Variants in CSMD2 observed in about 807,000 individuals in gnomAD.
CSMD2 encodes the protein CUB and sushi domain-containing protein 2.
Under a neutral mutation model 398.5 loss-of-function variants are expected in CSMD2, and 130 were observed. That is an observed-to-expected ratio of 0.33 (90% CI 0.28 to 0.38). The LOEUF (loss-of-function observed/expected upper bound fraction) is 0.38, where lower values mean the gene tolerates loss of function less well. Ranked by LOEUF, CSMD2 falls within the 10% of genes least tolerant of loss-of-function variation. The pLI, the probability that CSMD2 is intolerant of heterozygous loss-of-function variation, is 1.00. For missense variants in CSMD2, 3,829 were observed against 4,764.9 expected (o/e 0.80, Z 5.78); for synonymous variants, 1,828 against 1,908.5 (o/e 0.96, Z 1.10).
rs981529151 is a variant in CSMD2 at position 34,164,487 on chromosome 1, G to A, written c.187+424C>T. Among the ~76,000 whole-genome samples the A allele has an allele frequency of 6.6e-6, 1 of 152,070 alleles. No homozygotes were observed. Among genetic ancestry groups the A allele is most frequent in the African/African-American group, 2.4e-5 (1 of 41,442 alleles). ...GGAGGGGGCGCACGGTTCCTCTCCA[G>A]CCCCCAGGACCAGCGTGCCTGGCAG... On this transcript the variant is annotated intron_variant, in intron 1 of 70. Coordinates refer to ENST00000373381, the MANE Select transcript of CSMD2 (RefSeq NM_001281956.2). This position sits in a 1 kb window ranked among gnomAD's most constrained non-coding sequence, Gnocchi z 6.2.
intron 56 of CSMD2, among the ~76,000 whole-genome samples, chr1:33,548,312 T>C (rs1005731716): frequency 3.3e-4 from 50 of 152,310 alleles, no homozygotes; most frequent in African/African-American, 1.2e-3. Flanking sequence ...AGTTCAGTGA[T>C]GGAAGGGAGT....
chr1:33,553,045 G>C (rs1306625868), intron 55 of CSMD2, among the ~76,000 whole-genome samples: 1 of 152,090 alleles, frequency 6.6e-6, no homozygotes, highest in African/African-American at 2.4e-5. Context: ...TTTACATAGA[G>C]AGCAGTTAAA....
rs1216960251 is a variant in CSMD2 at position 34,110,673 on chromosome 1, A to AGAACACATGGACACAAAGAGGC, written c.188-21502_188-21481dup. Among the ~76,000 whole-genome samples, 11 of 152,294 alleles carry AGAACACATGGACACAAAGAGGC rather than the reference A, an allele frequency of 7.2e-5. No individual in the cohort carries two copies. In the East Asian group the frequency reaches 1.9e-3, roughly 27 times the overall value. On this transcript the variant is annotated intron_variant, in intron 1 of 70. Transcript: ENST00000373381. ...ACTTATAAGTGGGAGCTAAGTGATA[A>AGAACACATGGACACAAAGAGGC]GAACACATGGACACAAAGAGGCAAA...
At chr1:33,810,429 G>A (rs1442086354) in intron 10 of CSMD2, among the ~76,000 whole-genome samples, 1 of 152,166 alleles carries the variant, frequency 6.6e-6, no homozygotes, top group African/African-American at 2.4e-5. Flanking sequence ...CACAATTGAG[G>A]TAATGGTTAC....
intron 13 of CSMD2, among the ~76,000 whole-genome samples, chr1:33,759,324 CTTTTTTTTTT>C (rs756784492): frequency 7.2e-5 from 9 of 124,792 alleles, no homozygotes; most frequent in East Asian, 2.3e-4. Context: ...CTTTTTTTTT[CTTTTTTTTTT>C]TTTTTTTTTG....
intron 1 of CSMD2, among the ~76,000 whole-genome samples, chr1:34,152,996 C>G (rs1022648339): frequency 2.6e-5 from 4 of 152,146 alleles, no homozygotes; most frequent in African/African-American, 9.7e-5. Flanking sequence ...ATTTATTTGC[C>G]CTTTTGTAAC....
intron 3 of CSMD2, among the ~76,000 whole-genome samples, chr1:33,952,713 C>A (rs1204403551): frequency 6.6e-6 from 1 of 151,774 alleles, no homozygotes; most frequent in Non-Finnish European, 1.5e-5. Context: ...TGCACACACA[C>A]AAACATTTAA....
chr1:33,697,142 T>C (rs747726193), intron 24 of CSMD2, among the ~76,000 whole-genome samples: 7 of 152,194 alleles, frequency 4.6e-5, no homozygotes, highest in Non-Finnish European at 1.0e-4. Flanking sequence ...AAAGTAATCT[T>C]ACAGTGAATC....
At chr1:33,951,363 A>G (rs1037389686) in intron 3 of CSMD2, among the ~76,000 whole-genome samples, 7 of 152,144 alleles carry the variant, frequency 4.6e-5, no homozygotes, top group African/African-American at 1.7e-4. Context: ...CTGATGATGA[A>G]TGTCCTCCCT....
chr1:33,543,758 T>A (rs977780218), intron 57 of CSMD2, among the ~76,000 whole-genome samples: 2 of 152,262 alleles, frequency 1.3e-5, no homozygotes, highest in African/African-American at 2.4e-5. Flanking sequence ...TTTTCTATCA[T>A]CAAATATTTG....
At chr1:34,119,737 A>G (rs1472194568) in intron 1 of CSMD2, among the ~76,000 whole-genome samples, 1 of 152,256 alleles carries the variant, frequency 6.6e-6, no homozygotes, top group Admixed American at 6.5e-5. Flanking sequence ...CACACCTGTT[A>G]CAATAGCCAC....
intron 3 of CSMD2, among the ~76,000 whole-genome samples, chr1:33,974,219 G>A (rs1477814578): frequency 7.2e-5 from 11 of 152,186 alleles, no homozygotes; most frequent in African/African-American, 2.2e-4. Context: ...ACAATGCAGC[G>A]GCTCACAGGG....
At chr1:33,794,324 A>T (rs1182272587) in intron 10 of CSMD2, among the ~76,000 whole-genome samples, 1 of 152,214 alleles carries the variant, frequency 6.6e-6, no homozygotes, top group Non-Finnish European at 1.5e-5. Flanking sequence ...GGGTCTACAG[A>T]TAGACACAGA....
chr1:34,063,235 T>C (rs1398638937), intron 2 of CSMD2, among the ~76,000 whole-genome samples: 1 of 152,164 alleles, frequency 6.6e-6, no homozygotes, highest in Non-Finnish European at 1.5e-5. Context: ...CATGTCCTCG[T>C]ATTTCAAAAC....
chr1:33,750,009 G>A (rs1388536507), intron 13 of CSMD2, among the ~76,000 whole-genome samples: 1 of 152,072 alleles, frequency 6.6e-6, no homozygotes, highest in Admixed American at 6.5e-5. Flanking sequence ...AATCCTTCAT[G>A]CAAAGTGCTA....
intron 1 of CSMD2, among the ~76,000 whole-genome samples, chr1:34,151,771 TC>T (rs1370617278): frequency 6.6e-6 from 1 of 152,002 alleles, no homozygotes; most frequent in East Asian, 1.9e-4. Flanking sequence ...TTTTATTTCT[TC>T]TTTCCTCCCT....
chr1:34,097,885 C>T lies in CSMD2; in HGVS notation c.188-8692G>A, dbSNP rs1395264636. 1.2e-4 allele frequency among the ~76,000 whole-genome samples: 14 copies of T among 116,834 alleles called. No homozygotes were observed. The South Asian group carries it at 4.3e-3, about 36-fold the overall frequency. The allele number at this position is 116,834 out of a possible 152,430, so 76.6% of individuals were successfully genotyped here. A position where few individuals can be genotyped will look rare whatever the true frequency, so the allele number is the denominator to read the frequency against. On this transcript the variant is annotated intron_variant, in intron 1 of 70. Coordinates refer to ENST00000373381, the MANE Select transcript of CSMD2 (RefSeq NM_001281956.2). Reference sequence around the variant, plus strand: ...CCTCAGGGATCTAGAACTAGAAATACCATTTGACCCAGCCATCCCATTACT... The same window carrying T: ...CCTCAGGGATCTAGAACTAGAAATATCATTTGACCCAGCCATCCCATTACT...
chr1:33,825,896 T>C, intron 6 of CSMD2, 122 bp from the exon 7 acceptor site: 1 of 750,950 alleles, frequency 1.3e-6, no homozygotes, highest in Non-Finnish European at 2.2e-6. Context: ...AGCCAGGAAC[T>C]TCTGGGCTGG....
chr1:33,543,007 G>T lies in CSMD2; in HGVS notation c.9101-111C>A, dbSNP rs937909088. On this transcript the variant is annotated intron_variant, in intron 57 of 70. Coordinates refer to ENST00000373381, the MANE Select transcript of CSMD2 (RefSeq NM_001281956.2). Reference sequence around the variant, plus strand: ...ATGCTACCTCGGGACCTCGTGGATAGAAATGCCTCTCATGCTGCTTTTGTA... The same window carrying T: ...ATGCTACCTCGGGACCTCGTGGATATAAATGCCTCTCATGCTGCTTTTGTA... The T allele has an allele frequency of 6.4e-6, 5 of 779,708 alleles. No individual in the cohort carries two copies. The African/African-American group carries it at 8.7e-5, about 14-fold the overall frequency. The allele number at this position is 779,708 out of a possible 1,614,324, so 48.3% of individuals were successfully genotyped here.
Sources: allele counts gnomAD v4.1 joint callset (sites outside exome capture counted in the v4.1 genomes callset), GRCh38; gene constraint gnomAD v4.1.1; non-coding constraint Gnocchi (gnomAD v3.1); transcripts MANE v1.5; gene names NCBI Gene and HGNC (gene_info 2026-07-23, HGNC 2026-07-21).